ARID4B: variants seen among roughly 807,000 people sequenced by gnomAD.
The protein encoded by ARID4B is AT-rich interactive domain-containing protein 4B.
A neutral mutation model predicts 147.5 loss-of-function variants in ARID4B; 26 were observed. That is an observed-to-expected ratio of 0.18 (90% CI 0.13 to 0.24). The LOEUF is 0.24. ARID4B is among the 10% of genes least tolerant of loss of function. The probability of loss-of-function intolerance (pLI) is 1.00; values close to 1 mark genes in which losing one functional copy is unlikely to be tolerated. For synonymous variants in ARID4B, 512 were observed against 507.9 expected (o/e 1.01, Z -0.11); for missense variants, 1,179 against 1,511.5 (o/e 0.78, Z 3.65).
rs369193701 is a variant in ARID4B at position 235,310,171 on chromosome 1, CAATAAAAAAA to C, written c.6+16733_6+16742del. ...TCTGTGAGAAACACCCAAGAATGAT[CAATAAAAAAA>C]AATAAAAAAAAAGAAACAGGGAAAT... is the stretch of plus-strand genomic sequence containing the variant. On this transcript the variant is annotated intron_variant, in intron 2 of 23. Coordinates refer to ENST00000264183, the MANE Select transcript of ARID4B (RefSeq NM_016374.6). Among the ~76,000 whole-genome samples the C allele has an allele frequency of 5.6e-3, 831 of 148,908 alleles. 7 individuals carry two copies. The highest frequency in any genetic ancestry group is 0.019 in the African/African-American group (757 of 40,432).
At chr1:235,276,131 T>C (rs1671296697) in intron 2 of ARID4B, among the ~76,000 whole-genome samples, 1 of 147,892 alleles carries the variant, frequency 6.8e-6, no homozygotes, top group Non-Finnish European at 1.5e-5. Context: ...GACAGAGACT[T>C]TCAAAAAAAG....
chr1:235,260,690 G>C lies in ARID4B; in HGVS notation c.69C>G (p.Ala23=). ...GTDVSAKYRG[A]FCEAKIKTAK... Reference sequence around the variant, plus strand: ...CTGTCTTGATCTTGGCTTCACAAAAGGCTCCTCTGTATTTAGCACTCACAT... The same window carrying C: ...CTGTCTTGATCTTGGCTTCACAAAACGCTCCTCTGTATTTAGCACTCACAT... Residue 23 remains alanine (A), a synonymous_variant, in exon 3 of 24, where the codon GCC becomes GCG. Transcript: ENST00000264183. 2 of 1,612,538 alleles carry C rather than the reference G, an allele frequency of 1.2e-6. No homozygotes were observed. Among genetic ancestry groups the C allele is most frequent in the East Asian group, 4.5e-5 (2 of 44,772 alleles).
At chr1:235,245,299 C>T (rs965716825) in intron 7 of ARID4B, among the ~76,000 whole-genome samples, 4 of 152,140 alleles carry the variant, frequency 2.6e-5, no homozygotes, top group African/African-American at 9.7e-5. Flanking sequence ...AACTAAGAAA[C>T]ATCTAACAGT....
At position 235,257,238 on chromosome 1, in the gene ARID4B, A is replaced by G; in HGVS notation, c.118-13T>C. 1 of 1,594,848 alleles carries G rather than the reference A, an allele frequency of 6.3e-7. No individual in the cohort carries two copies. The highest frequency in any genetic ancestry group is 8.6e-7 in the Non-Finnish European group (1 of 1,163,334). ...GTCTAAATGTCACCTAGAGATTATA[A>G]GTTTAATTAGCCACCAAAAATAAAC... On this transcript the variant is annotated splice_polypyrimidine_tract_variant and intron_variant, in intron 3 of 23. Coordinates refer to ENST00000264183, the MANE Select transcript of ARID4B (RefSeq NM_016374.6).
intron 2 of ARID4B, among the ~76,000 whole-genome samples, chr1:235,292,114 T>C (rs77720138): frequency 1.3e-5 from 2 of 152,322 alleles, no homozygotes; most frequent in East Asian, 3.9e-4. Flanking sequence ...CAGATACAAC[T>C]TATAATGTAA....
chr1:235,209,994 A>G (rs1666607941), intron 17 of ARID4B, among the ~76,000 whole-genome samples: 1 of 152,156 alleles, frequency 6.6e-6, no homozygotes, highest in Admixed American at 6.5e-5. Context: ...TTTGGAAGCC[A>G]AGGCAGGAGG....
At chr1:235,320,919 C>A (rs1030817034) in intron 2 of ARID4B, among the ~76,000 whole-genome samples, 7 of 152,206 alleles carry the variant, frequency 4.6e-5, no homozygotes, top group Non-Finnish European at 8.8e-5. Flanking sequence ...AAGTAACCCA[C>A]CCTCTGTCAC....
At chr1:235,269,839 T>C (rs1317064511) in intron 2 of ARID4B, among the ~76,000 whole-genome samples, 1 of 152,222 alleles carries the variant, frequency 6.6e-6, no homozygotes, top group African/African-American at 2.4e-5. Flanking sequence ...AATTATTTTG[T>C]AAAGTAATAT....
chr1:235,257,971 CCAAA>C (rs1287943165), intron 3 of ARID4B, among the ~76,000 whole-genome samples: 1 of 152,094 alleles, frequency 6.6e-6, no homozygotes, highest in Non-Finnish European at 1.5e-5. Flanking sequence ...GTCTCTAGTA[CCAAA>C]CATTTAATCT....
chr1:235,244,482 T>TA lies in ARID4B; in HGVS notation c.446+1937dup, dbSNP rs944817373. On this transcript the variant is annotated intron_variant, in intron 7 of 23. Transcript: ENST00000264183. ...GATTAAAAGAATCAATAACTTGCTT[T>TA]AAAAAAAATTTAGCTAGAGGATGAT... 2.6e-5 allele frequency among the ~76,000 whole-genome samples: 4 copies of TA among 152,108 alleles called. No individual in the cohort carries two copies. The South Asian group carries it at 8.3e-4, about 32-fold the overall frequency.
At chr1:235,286,409 G>A (rs1671975321) in intron 2 of ARID4B, among the ~76,000 whole-genome samples, 1 of 152,178 alleles carries the variant, frequency 6.6e-6, no homozygotes, top group Admixed American at 6.5e-5. Flanking sequence ...TTAAAACTCA[G>A]TCTTTGTTTT....
chr1:235,225,407 TGCTGTGGCCAAGG>T (rs1464599570), intron 11 of ARID4B, among the ~76,000 whole-genome samples: 3 of 152,236 alleles, frequency 2.0e-5, no homozygotes, highest in South Asian at 4.1e-4. Context: ...AGCTTCTTGC[TGCTGTGGCCAAGG>T]GCTGTGGCAG....
intron 2 of ARID4B, among the ~76,000 whole-genome samples, chr1:235,284,821 G>C (rs1671870524): frequency 6.6e-6 from 1 of 152,134 alleles, no homozygotes; most frequent in Non-Finnish European, 1.5e-5. Context: ...TTGAGGCCAG[G>C]AGCTCAAGAC....
At chr1:235,226,400 G>A (rs758540416) in intron 11 of ARID4B, among the ~76,000 whole-genome samples, 2 of 151,826 alleles carry the variant, frequency 1.3e-5, no homozygotes, top group South Asian at 2.1e-4. Context: ...TTGCTCTGTC[G>A]CCCAGGCTGG....
chr1:235,231,724 C>T (rs965225241), intron 9 of ARID4B, among the ~76,000 whole-genome samples: 1 of 152,134 alleles, frequency 6.6e-6, no homozygotes, highest in African/African-American at 2.4e-5. Context: ...CTAACCTCAA[C>T]TGATCCACCC....
chr1:235,292,060 G>A (rs371915390), intron 2 of ARID4B, among the ~76,000 whole-genome samples: 1 of 152,120 alleles, frequency 6.6e-6, no homozygotes, highest in Non-Finnish European at 1.5e-5. Context: ...CCATATGTTT[G>A]AATATTCAAA....
At chr1:235,283,658 A>C (rs1295371131) in intron 2 of ARID4B, among the ~76,000 whole-genome samples, 1 of 152,170 alleles carries the variant, frequency 6.6e-6, no homozygotes, top group Non-Finnish European at 1.5e-5. Flanking sequence ...AAGACAGTCA[A>C]TTTTAAGATT....
intron 5 of ARID4B, among the ~76,000 whole-genome samples, chr1:235,255,283 C>CTATA (rs879346711): frequency 4.4e-5 from 4 of 91,176 alleles, no homozygotes; most frequent in East Asian, 2.9e-4. Context: ...CTCTCTCTCT[C>CTATA]TCTCTATATA....
chr1:235,267,573 CTG>C (rs1670683478), intron 2 of ARID4B, among the ~76,000 whole-genome samples: 1 of 152,110 alleles, frequency 6.6e-6, no homozygotes, highest in South Asian at 2.1e-4. Flanking sequence ...TGGCTCACGC[CTG>C]TAATCCCAGC....
Sources: allele counts gnomAD v4.1 joint callset (sites outside exome capture counted in the v4.1 genomes callset), GRCh38; gene constraint gnomAD v4.1.1; transcripts MANE v1.5; gene names NCBI Gene and HGNC (gene_info 2026-07-23, HGNC 2026-07-21).